The following SMARCA5 variants were observed in gnomAD, a reference collection of about 807,000 sequenced individuals.
SMARCA5 encodes SWI/SNF-related matrix-associated actin-dependent regulator of chromatin subfamily A member 5.
A neutral mutation model predicts 140.4 loss-of-function variants in SMARCA5; 18 were observed. The ratio of observed to expected loss-of-function variants is 0.13; its 90% CI spans 0.09 to 0.19. The LOEUF is 0.19. Among genes scored for constraint, SMARCA5 ranks in the 10% least tolerant of loss-of-function variants. SMARCA5 has a pLI of 1.00. For missense variants in SMARCA5, 606 were observed against 1,276.8 expected, an observed-to-expected ratio of 0.47 and a Z score of 8.01; for synonymous variants, 449 against 419.6, an observed-to-expected ratio of 1.07 and a Z score of -0.86.
At chr4:143,522,733 T>G (rs1171669472) in intron 3 of SMARCA5, among the ~76,000 whole-genome samples, 1 of 152,208 alleles carries the variant, frequency 6.6e-6, no homozygotes, top group Non-Finnish European at 1.5e-5. Flanking sequence ...GAAACTACTG[T>G]ACTGAATATT....
intron 13 of SMARCA5, 44 bp downstream of exon 13, chr4:143,538,982 G>C (rs368336501): frequency 1.3e-5 from 20 of 1,546,948 alleles, no homozygotes; most frequent in Non-Finnish European, 1.8e-5. Context: ...AGTAGATGGC[G>C]TTAGTTAGGA....
At position 143,533,728 on chromosome 4, in the gene SMARCA5, C is replaced by T. The variant is rs535307362; in HGVS notation, c.1159-1127C>T. On this transcript the variant is annotated intron_variant, in intron 9 of 23. Coordinates refer to ENST00000283131, the MANE Select transcript of SMARCA5 (RefSeq NM_003601.4). The stretch of plus-strand genomic sequence containing the variant: ...TTCACCATGTTAGCCAGGATGGTCT[C>T]GATTTCCTGACCTTGTGATCTGCCT... Among the ~76,000 whole-genome samples, 55 of 152,196 alleles carry T rather than the reference C, an allele frequency of 3.6e-4. No homozygotes were observed. The East Asian group carries it at 9.9e-3, about 27-fold the overall frequency.
intron 23 of SMARCA5, among the ~76,000 whole-genome samples, chr4:143,552,262 ATTTG>A (rs1247593548): frequency 6.6e-6 from 1 of 152,012 alleles, no homozygotes; most frequent in African/African-American, 2.4e-5. Flanking sequence ...GTGTCACTGA[ATTTG>A]TTTATGAGTT....
rs1262640316 is a variant in SMARCA5, at chr4:143,553,498, C to T, written c.*314C>T. On this transcript the variant is annotated 3_prime_UTR_variant, in exon 24 of 24. Transcript: ENST00000283131. ...TTTTGTTTATTAGCTATAATTTCTA[C>T]ACTTGTAAGGCTTAAAAACAAGTTA... 4.3e-6 allele frequency: 1 copy of T among 234,074 alleles called. No individual in the cohort carries two copies. Among genetic ancestry groups the T allele is most frequent in the East Asian group, 9.4e-5 (1 of 10,664 alleles). The allele number at this position is 234,074 out of a possible 1,614,324, so 14.5% of individuals were successfully genotyped here.
intron 16 of SMARCA5, 73 bp downstream of exon 16, chr4:143,544,045 T>A: frequency 8.8e-7 from 1 of 1,134,660 alleles, no homozygotes; most frequent in Non-Finnish European, 1.2e-6. Context: ...AGTGTTACTG[T>A]AATGTCTTAT....
intron 5 of SMARCA5, 99 bp from the exon 6 acceptor site, chr4:143,526,182 T>A: frequency 1.1e-6 from 1 of 950,820 alleles, no homozygotes; most frequent in Non-Finnish European, 1.6e-6. Flanking sequence ...GTTATAAATA[T>A]GTAGCATTTC....
At chr4:143,547,099 T>C (rs980925472) in intron 20 of SMARCA5, among the ~76,000 whole-genome samples, 191 bp downstream of exon 20, 2 of 152,170 alleles carry the variant, frequency 1.3e-5, no homozygotes, top group African/African-American at 4.8e-5. Context: ...AAAAATTTTT[T>C]AACCCTAGCT....
chr4:143,548,849 T>C (rs1423485695), intron 22 of SMARCA5, among the ~76,000 whole-genome samples: 2 of 152,132 alleles, frequency 1.3e-5, no homozygotes, highest in Admixed American at 6.6e-5. Context: ...GATTTCTCTG[T>C]ATATTTAAAG....
At chr4:143,515,001 C>T (rs1578787813) in intron 1 of SMARCA5, among the ~76,000 whole-genome samples, 1 of 152,276 alleles carries the variant, frequency 6.6e-6, no homozygotes, top group East Asian at 1.9e-4. Context: ...TGCTTCCAGG[C>T]TTTGCATCTG....
At chr4:143,534,790 A>G in intron 9 of SMARCA5, 65 bp from the exon 10 acceptor site, 1 of 1,152,768 alleles carries the variant, frequency 8.7e-7, no homozygotes, top group Non-Finnish European at 1.2e-6. Flanking sequence ...ATACAATTCT[A>G]AGATGCTGAA....
intron 13 of SMARCA5, among the ~76,000 whole-genome samples, chr4:143,539,388 TTTA>T (rs1171662716): frequency 1.3e-5 from 2 of 152,182 alleles, no homozygotes; most frequent in African/African-American, 4.8e-5. Context: ...TGTCTTCCAC[TTTA>T]GTTATTTAAA....
intron 22 of SMARCA5, among the ~76,000 whole-genome samples, chr4:143,549,465 C>T (rs1737598812): frequency 6.6e-6 from 1 of 151,990 alleles, no homozygotes; most frequent in Non-Finnish European, 1.5e-5. Flanking sequence ...GGCTGTATGT[C>T]CAGTTTGCCA....
intron 2 of SMARCA5, among the ~76,000 whole-genome samples, chr4:143,520,837 T>C (rs1315689918): frequency 6.6e-6 from 1 of 152,128 alleles, no homozygotes; most frequent in Non-Finnish European, 1.5e-5. Context: ...CTCTCGGTAT[T>C]ATAATAGGGA....
intron 20 of SMARCA5, among the ~76,000 whole-genome samples, 163 bp from the exon 21 acceptor site, chr4:143,547,222 C>G (rs376684302): frequency 4.6e-5 from 7 of 152,156 alleles, no homozygotes; most frequent in African/African-American, 1.4e-4. Context: ...TTCCTGAAGT[C>G]AGTTGTATTA....
rs1313087902 is a variant in SMARCA5 at position 143,555,278 on chromosome 4, T to C, written c.*2094T>C. The C allele has an allele frequency of 2.4e-6, 2 of 829,436 alleles. No individual in the cohort carries two copies. Among genetic ancestry groups the C allele is most frequent in the South Asian group, 1.3e-5 (1 of 76,094 alleles). 51.4% of individuals were successfully genotyped at this position (829,436 alleles called of 1,614,324 possible). ...AAAATTTGAAGACTGATTGTTGTCA[T>C]TGCCAAAATCATTGTAGCTTTTACC... is the stretch of plus-strand genomic sequence containing the variant. On this transcript the variant is annotated 3_prime_UTR_variant, in exon 24 of 24. Coordinates refer to ENST00000283131, the MANE Select transcript of SMARCA5 (RefSeq NM_003601.4).
At chr4:143,540,335 A>G (rs371862648) in intron 13 of SMARCA5, 28 bp from the exon 14 acceptor site, 102 of 1,556,418 alleles carry the variant, frequency 6.6e-5, no homozygotes, top group Non-Finnish European at 8.7e-5. Flanking sequence ...TTTAAACTAA[A>G]TTCAAAATAA....
intron 23 of SMARCA5, among the ~76,000 whole-genome samples, chr4:143,552,280 A>G (rs1737654557): frequency 6.6e-6 from 1 of 152,020 alleles, no homozygotes; most frequent in African/African-American, 2.4e-5. Context: ...ATGAGTTCTA[A>G]TAGTTTTTTG....
chr4:143,525,659 G>A, intron 5 of SMARCA5, 108 bp downstream of exon 5: 2 of 737,364 alleles, frequency 2.7e-6, no homozygotes, highest in Non-Finnish European at 4.8e-6. Context: ...GATCCTCTCA[G>A]AAACTAGTAT....
At chr4:143,547,006 C>T (rs1737538108) in intron 20 of SMARCA5, 98 bp downstream of exon 20, 2 of 1,150,146 alleles carry the variant, frequency 1.7e-6, no homozygotes, top group African/African-American at 1.6e-5. Flanking sequence ...AATTTTGTCA[C>T]AGTGTAGTTA....
Sources: gnomAD v4.1 joint callset for allele counts (sites outside exome capture counted in the v4.1 genomes callset) on GRCh38, gnomAD v4.1.1 for gene constraint, MANE v1.5 for transcripts, NCBI Gene and HGNC (gene_info 2026-07-23, HGNC 2026-07-21) for gene names.